Variants in BMX observed in about 807,000 individuals in gnomAD.
BMX encodes cytoplasmic tyrosine-protein kinase BMX.
BMX carries 31 observed loss-of-function variants against 59.2 expected under a neutral mutation model. The observed-to-expected ratio is 0.52, with a 90% confidence interval of 0.39 to 0.71. The LOEUF is 0.71. Among genes scored for constraint, BMX ranks in the 30% least tolerant of loss-of-function variants. The probability of loss-of-function intolerance (pLI) is 0.00; values close to 1 mark genes in which losing one functional copy is unlikely to be tolerated. For missense variants in BMX, 474 were observed against 491.7 expected, an observed-to-expected ratio of 0.96 and a Z score of 0.34; for synonymous variants, 185 against 181.0, an observed-to-expected ratio of 1.02 and a Z score of -0.18.
At chrX:15,531,479 T>C in intron 11 of BMX, 72 bp downstream of exon 11, 1 of 889,891 alleles carries the variant, frequency 1.1e-6, no homozygotes, top group Non-Finnish European at 1.6e-6. Flanking sequence ...CACAATCACA[T>C]TTTGGGATAA....
At chrX:15,517,794 A>G (rs1569221190) in intron 5 of BMX, 135 bp from the exon 6 acceptor site, 1 of 532,021 alleles carries the variant, frequency 1.9e-6, no homozygotes, top group East Asian at 3.7e-5. Flanking sequence ...GAATCACTCC[A>G]GATGTTGTGT....
chrX:15,531,431 C>A lies in BMX; in HGVS notation c.1019+24C>A, dbSNP rs377153209. ...AAGTAAGTATGATACGGATTAATTTCTTTTCTCTTTCTGCGTATATTCTTT... is the reference window on the plus strand; with the variant it reads ...AAGTAAGTATGATACGGATTAATTTATTTTCTCTTTCTGCGTATATTCTTT... On this transcript the variant is annotated intron_variant, in intron 11 of 18. Transcript: ENST00000348343. 21 of 1,118,891 alleles carry A rather than the reference C, an allele frequency of 1.9e-5. No homozygotes were observed. In the African/African-American group the frequency reaches 3.1e-4, roughly 16 times the overall value. The allele number at this position is 1,118,891 out of a possible 1,213,427, so 92.2% of individuals were successfully genotyped here. A position where few individuals can be genotyped will look rare whatever the true frequency, so the allele number is the denominator to read the frequency against.
At chrX:15,509,855 A>G (rs1473774863) in intron 3 of BMX, among the ~76,000 whole-genome samples, 1 of 111,945 alleles carries the variant, frequency 8.9e-6, no homozygotes, top group East Asian at 2.8e-4. Context: ...GGTCAGCAGA[A>G]TGCATCCATG....
At chrX:15,543,268 A>G (rs1440382431) in intron 16 of BMX, 133 bp downstream of exon 16, 1 of 486,580 alleles carries the variant, frequency 2.1e-6, no homozygotes, top group Admixed American at 3.5e-5. Flanking sequence ...AGTCCCTCCC[A>G]TGGGATTGTT....
At chrX:15,548,054 A>T (rs1926024592) in intron 17 of BMX, among the ~76,000 whole-genome samples, 1 of 112,485 alleles carries the variant, frequency 8.9e-6, no homozygotes. Flanking sequence ...GTTGTTAAAA[A>T]AAAAGATAAT....
At chrX:15,549,633 T>C (rs927917762) in intron 17 of BMX, among the ~76,000 whole-genome samples, 1 of 111,820 alleles carries the variant, frequency 8.9e-6, no homozygotes, top group African/African-American at 3.3e-5. Flanking sequence ...TCAGGGAACA[T>C]GGGGAAGAAA....
chrX:15,554,703 A>T (rs182773988), intron 18 of BMX, among the ~76,000 whole-genome samples: 91 of 111,072 alleles, frequency 8.2e-4, no homozygotes, highest in African/African-American at 2.9e-3. Context: ...TATGTTTCTG[A>T]TATAGTTTGT....
At chrX:15,532,514 A>AC (rs1925131690) in intron 11 of BMX, among the ~76,000 whole-genome samples, 2 of 111,381 alleles carry the variant, frequency 1.8e-5, no homozygotes, top group South Asian at 3.8e-4. Flanking sequence ...TTTACACTGA[A>AC]CCCCCAGTGT....
At position 15,543,091 on chromosome X, in the gene BMX, G is replaced by T. The variant is rs753033805; in HGVS notation, c.1632G>T (p.Val544=). Residue 544 remains valine (V), a synonymous_variant, in exon 16 of 19, where the codon GTG becomes GTT. Coordinates refer to ENST00000348343, the MANE Select transcript of BMX (RefSeq NM_203281.3). Reference sequence around the variant, plus strand: ...TAAAGGCTGCTCGTAACTGCTTGGTGGACAGAGATCTCTGTGTGAAAGTAT... The same window carrying T: ...TAAAGGCTGCTCGTAACTGCTTGGTTGACAGAGATCTCTGTGTGAAAGTAT... ...HRDLAARNCL[V]DRDLCVKVSD... is the part of the protein sequence containing the mutation. 8.3e-7 allele frequency: 1 copy of T among 1,208,923 alleles called. No homozygotes were observed. The highest frequency in any genetic ancestry group is 1.1e-6 in the Non-Finnish European group (1 of 893,950).
At chrX:15,543,250 GAAAC>G in intron 16 of BMX, 115 bp downstream of exon 16, 4 of 643,616 alleles carry the variant, frequency 6.2e-6, no homozygotes, top group Non-Finnish European at 9.5e-6. Context: ...TGGGGGCTTA[GAAAC>G]CTAAGTCCCT....
chrX:15,536,326 G>C, intron 12 of BMX, 27 bp from the exon 13 acceptor site: 1 of 1,193,279 alleles, frequency 8.4e-7, no homozygotes, highest in Admixed American at 2.2e-5. Flanking sequence ...ATAATGATGT[G>C]ATGATATGAT....
chrX:15,516,024 T>C, intron 4 of BMX, 88 bp from the exon 5 acceptor site: 2 of 1,138,649 alleles, frequency 1.8e-6, no homozygotes, highest in East Asian at 3.0e-5. Flanking sequence ...GGGGTTTTTA[T>C]TGTTCTGTGA....
intron 4 of BMX, among the ~76,000 whole-genome samples, chrX:15,513,596 A>C (rs1323453728): frequency 8.9e-6 from 1 of 112,004 alleles, no homozygotes; most frequent in Non-Finnish European, 1.9e-5. Context: ...ACTGAGGTAG[A>C]CATTTAAGAT....
At chrX:15,523,567 T>C (rs1408414153) in intron 7 of BMX, among the ~76,000 whole-genome samples, 1 of 111,653 alleles carries the variant, frequency 9.0e-6, no homozygotes, top group Non-Finnish European at 1.9e-5. Flanking sequence ...AGAATCCTAG[T>C]GTATTAATCT....
intron 1 of BMX, among the ~76,000 whole-genome samples, chrX:15,504,395 G>T (rs1923670247): frequency 1.8e-5 from 2 of 111,707 alleles, no homozygotes; most frequent in South Asian, 7.6e-4. Context: ...GTTTACAAAT[G>T]ACAGTTCTGT....
Position 15,549,955 on chromosome X carries a change from A to G in BMX, c.1911A>G (p.Ala637=), listed in dbSNP as rs773368553. The G allele has an allele frequency of 3.3e-5, 40 of 1,207,043 alleles. No individual in the cohort carries two copies. The highest frequency in any genetic ancestry group is 4.1e-5 in the Non-Finnish European group (37 of 894,114). Reference sequence around the variant, plus strand: ...ACAGGCTTTACCGGCCCCACCTGGCATCGGACACCATCTACCAGATCATGT... The same window carrying G: ...ACAGGCTTTACCGGCCCCACCTGGCGTCGGACACCATCTACCAGATCATGT... ...QGHRLYRPHL[A]SDTIYQIMYS... The change falls in exon 18 of 19, where the codon GCA becomes GCG. Residue 637 remains alanine, a synonymous_variant. Transcript: ENST00000348343.
At chrX:15,538,950 G>C (rs1925515748) in intron 14 of BMX, among the ~76,000 whole-genome samples, 1 of 111,266 alleles carries the variant, frequency 9.0e-6, no homozygotes, top group African/African-American at 3.3e-5. Flanking sequence ...ACAGTACCTA[G>C]AAGGGCCCTG....
chrX:15,537,617 T>C (rs7890237), intron 14 of BMX, among the ~76,000 whole-genome samples: 13,284 of 110,849 alleles, frequency 0.12, 1,960 homozygotes, highest in African/African-American at 0.41. Flanking sequence ...TCTCCCCTCA[T>C]ACCCAACTCC....
intron 7 of BMX, 67 bp downstream of exon 7, chrX:15,522,654 C>T (rs1924524344): frequency 2.7e-5 from 31 of 1,168,087 alleles, no homozygotes; most frequent in Non-Finnish European, 3.6e-5. Flanking sequence ...TGCCCTGGAC[C>T]TCAGCCTCAA....
Sources: allele counts gnomAD v4.1 joint callset (sites outside exome capture counted in the v4.1 genomes callset), GRCh38; gene constraint gnomAD v4.1.1; transcripts MANE v1.5; gene names NCBI Gene and HGNC (gene_info 2026-07-23, HGNC 2026-07-21).